Variants in MED15 observed in about 807,000 individuals in gnomAD.
The protein encoded by MED15 is mediator of RNA polymerase II transcription subunit 15.
MED15 carries 41 observed loss-of-function variants against 118.7 expected under a neutral mutation model. The ratio of observed to expected loss-of-function variants is 0.35; its 90% CI spans 0.27 to 0.45. The LOEUF (loss-of-function observed/expected upper bound fraction) is 0.45, where lower values mean the gene tolerates loss of function less well. Ranked by LOEUF, MED15 falls within the 20% of genes least tolerant of loss-of-function variation. MED15 has a pLI of 1.00. For missense variants in MED15, 740 were observed against 1,025.5 expected (o/e 0.72, Z 3.80); for synonymous variants, 436 against 413.9 (o/e 1.05, Z -0.65).
intron 6 of MED15, among the ~76,000 whole-genome samples, chr22:20,565,300 A>G (rs1463726944): frequency 1.3e-5 from 2 of 152,176 alleles, no homozygotes; most frequent in Non-Finnish European, 2.9e-5. Flanking sequence ...AGCTGAAGCA[A>G]GAAGTGAGAC....
chr22:20,507,851 A>G, intron 1 of MED15, 105 bp downstream of exon 1: 3 of 1,543,770 alleles, frequency 1.9e-6, no homozygotes, highest in Admixed American at 4.1e-5. Context: ...GCCGGGAGAC[A>G]GAAGGCGCCG....
intron 14 of MED15, 61 bp downstream of exon 14, chr22:20,584,486 G>A: frequency 6.3e-7 from 1 of 1,574,972 alleles, no homozygotes; most frequent in Non-Finnish European, 8.7e-7. Flanking sequence ...TCCTGGGAGT[G>A]CTGCTGAGAG....
chr22:20,587,497 C>T lies in MED15; in HGVS notation c.*793C>T, dbSNP rs1431445214. The T allele has an allele frequency of 1.2e-5, 3 of 249,034 alleles. No homozygotes were observed. Among genetic ancestry groups the T allele is most frequent in the East Asian group, 8.6e-5 (1 of 11,644 alleles). The allele number at this position is 249,034 out of a possible 1,614,324, so 15.4% of individuals were successfully genotyped here. A position where few individuals can be genotyped will look rare whatever the true frequency, so the allele number is the denominator to read the frequency against. ...GCAGCGGGCCGGGCCATGCAGGGAG[C>T]GCCTCCCTATGTTGCCTGCCACTCT... On this transcript the variant is annotated 3_prime_UTR_variant, in exon 18 of 18. Coordinates refer to ENST00000263205, the MANE Select transcript of MED15 (RefSeq NM_001003891.3).
intron 1 of MED15, chr22:20,518,749 G>T (rs2054339726): frequency 2.1e-4 from 79 of 375,726 alleles, no homozygotes; most frequent in South Asian, 1.4e-3. Context: ...ATTAAAGCCT[G>T]CCATGGTTTT....
intron 8 of MED15, among the ~76,000 whole-genome samples, chr22:20,570,738 C>CTTTT (rs2056622196): frequency 7.7e-5 from 7 of 90,984 alleles, no homozygotes; most frequent in Non-Finnish European, 1.2e-4. Context: ...TTCTTTCTTT[C>CTTTT]TTTCTTTCTT....
chr22:20,513,401 C>T (rs547086726), intron 1 of MED15, among the ~76,000 whole-genome samples: 1 of 152,038 alleles, frequency 6.6e-6, no homozygotes, highest in Non-Finnish European at 1.5e-5. Flanking sequence ...GCCTCAGCCT[C>T]CAGAGTAGCT....
chr22:20,508,148 T>G, intron 1 of MED15: 1 of 1,217,624 alleles, frequency 8.2e-7, no homozygotes, highest in Admixed American at 3.6e-5. Flanking sequence ...GCATCAACGG[T>G]GAAAGAAAGT....
intron 8 of MED15, chr22:20,574,780 G>A (rs1328150421): frequency 4.3e-6 from 1 of 232,840 alleles, no homozygotes; most frequent in Non-Finnish European, 8.7e-6. Context: ...GTCTGGCTCT[G>A]ATGGTTCTGT....
chr22:20,517,440 A>C (rs1402318605), intron 1 of MED15, among the ~76,000 whole-genome samples: 4 of 152,086 alleles, frequency 2.6e-5, no homozygotes, highest in Non-Finnish European at 4.4e-5. Context: ...TGCCTACCTA[A>C]AAGATCCTTC....
At chr22:20,516,664 G>C (rs1227674556) in intron 1 of MED15, among the ~76,000 whole-genome samples, 1 of 149,772 alleles carries the variant, frequency 6.7e-6, no homozygotes, top group Admixed American at 6.6e-5. Flanking sequence ...CCCGAGGTAG[G>C]AAGGACCATG....
chr22:20,579,614 T>C (rs5751537), intron 9 of MED15, among the ~76,000 whole-genome samples: 9,208 of 152,148 alleles, frequency 0.061, 661 homozygotes, highest in East Asian at 0.38. Context: ...ACCAGCCTTT[T>C]TGCCCTCCCA....
intron 8 of MED15, among the ~76,000 whole-genome samples, chr22:20,572,428 C>T (rs764620373): frequency 3.3e-5 from 5 of 152,236 alleles, no homozygotes; most frequent in African/African-American, 4.8e-5. Flanking sequence ...CGAAGAGAGG[C>T]GCCCTGTCAG....
At position 20,575,248 on chromosome 22, in the gene MED15, CGCCCAGGGCACGGCTGGGA is replaced by C; in HGVS notation, c.1272+19_1272+37del. On this transcript the variant is annotated intron_variant, in intron 9 of 17. Coordinates refer to ENST00000263205, the MANE Select transcript of MED15 (RefSeq NM_001003891.3). ...CATGGCACAGGTATTTACGGGGCAG[CGCCCAGGGCACGGCTGGGA>C]GCTCGGGGCGTCCTCTGAGCGCCTT... is the stretch of plus-strand genomic sequence containing the variant. 2 of 1,611,958 alleles carry C rather than the reference CGCCCAGGGCACGGCTGGGA, an allele frequency of 1.2e-6. No homozygotes were observed. The highest frequency in any genetic ancestry group is 2.2e-5 in the South Asian group (2 of 91,062).
chr22:20,570,746 C>CTTTTTTTTTTTTTTTTTTTTTTTTTTTTT (rs61109389), intron 8 of MED15, among the ~76,000 whole-genome samples: 11 of 62,070 alleles, frequency 1.8e-4, no homozygotes, highest in South Asian at 6.0e-4. Context: ...TTCTTTCTTT[C>CTTTTTTTTTTTTTTTTTTTTTTTTTTTTT]TTTTTTTTTT....
At chr22:20,556,878 A>G (rs1055847980) in intron 5 of MED15, among the ~76,000 whole-genome samples, 3 of 152,040 alleles carry the variant, frequency 2.0e-5, no homozygotes, top group Non-Finnish European at 4.4e-5. Flanking sequence ...ACTTTTTGAG[A>G]TTGGCTTTTT....
At position 20,566,597 on chromosome 22, in the gene MED15, C is replaced by A; in HGVS notation, c.821C>A (p.Pro274Gln). ...LQAQPPIQQP[P>Q]MQQPQPPPSQ... ...GCCCAGCCACCAATTCAGCAGCCAC[C>A]GATGCAGCAGCCACAGCCTCCGCCC... The change falls in exon 7 of 18, where the codon CCG (proline) becomes CAG (glutamine). Residue 274 changes from proline to glutamine, a missense_variant. Around this residue, in one of 7 missense-constraint regions of MED15, gnomAD observed 384 missense variants for 506.3 expected, o/e 0.76. Coordinates refer to ENST00000263205, the MANE Select transcript of MED15 (RefSeq NM_001003891.3). 1 of 1,613,870 alleles carries A rather than the reference C, an allele frequency of 6.2e-7. No individual in the cohort carries two copies. The highest frequency in any genetic ancestry group is 1.1e-5 in the South Asian group (1 of 91,068).
intron 8 of MED15, among the ~76,000 whole-genome samples, chr22:20,572,637 A>G (rs570344630): frequency 6.5e-4 from 78 of 119,988 alleles, no homozygotes; most frequent in Non-Finnish European, 1.3e-3. Flanking sequence ...AAACCAAGAC[A>G]TGCAGGCACA....
chr22:20,576,601 T>G (rs2056830647), intron 9 of MED15, among the ~76,000 whole-genome samples: 1 of 152,272 alleles, frequency 6.6e-6, no homozygotes, highest in African/African-American at 2.4e-5. Flanking sequence ...GACTTCCTTT[T>G]TAGTAGTTGT....
chr22:20,567,688 C>G (rs1195057431), intron 7 of MED15, among the ~76,000 whole-genome samples: 1 of 151,948 alleles, frequency 6.6e-6, no homozygotes, highest in Non-Finnish European at 1.5e-5. Flanking sequence ...TTGGAGATGT[C>G]TAAGGAAGAG....
Sources: allele counts gnomAD v4.1 joint callset (sites outside exome capture counted in the v4.1 genomes callset), GRCh38; gene constraint gnomAD v4.1.1; regional missense constraint gnomAD v4.1.1; transcripts MANE v1.5; gene names NCBI Gene and HGNC (gene_info 2026-07-23, HGNC 2026-07-21).